Variants in SLC8A3 observed in about 807,000 individuals in gnomAD.
SLC8A3 encodes the protein solute carrier family 8 member A3, also known as sodium/calcium exchanger 3.
A neutral mutation model predicts 65.4 loss-of-function variants in SLC8A3; 37 were observed. That is an observed-to-expected ratio of 0.57 (90% CI 0.44 to 0.74). SLC8A3 has a LOEUF of 0.74. Ranked by LOEUF, SLC8A3 falls within the 30% of genes least tolerant of loss-of-function variation. The pLI, the probability that SLC8A3 is intolerant of heterozygous loss-of-function variation, is 0.00. For synonymous variants in SLC8A3, 461 were observed against 444.5 expected (o/e 1.04, Z -0.47); for missense variants, 1,112 against 1,172.1 (o/e 0.95, Z 0.75).
chr14:70,110,482 G>A (rs1234533327), intron 2 of SLC8A3, among the ~76,000 whole-genome samples: 1 of 151,992 alleles, frequency 6.6e-6, no homozygotes, highest in Non-Finnish European at 1.5e-5. Context: ...TTAACACAAT[G>A]ATCTCCAGTT....
At chr14:70,168,528 G>T in intron 1 of SLC8A3, 44 bp from the exon 2 acceptor site, 1 of 875,596 alleles carries the variant, frequency 1.1e-6, no homozygotes, top group Non-Finnish European at 1.7e-6. Flanking sequence ...AGGAAAAAGG[G>T]GACAGCAAAC....
intron 2 of SLC8A3, among the ~76,000 whole-genome samples, chr14:70,163,793 C>A (rs554505371): frequency 6.6e-6 from 1 of 152,152 alleles, no homozygotes; most frequent in Non-Finnish European, 1.5e-5. Context: ...GTTAGAAATG[C>A]GGAATCTCAA....
At chr14:70,073,229 T>C (rs1463459462) in intron 2 of SLC8A3, among the ~76,000 whole-genome samples, 2 of 152,092 alleles carry the variant, frequency 1.3e-5, no homozygotes, top group East Asian at 1.9e-4. Context: ...CACTATACAT[T>C]AGAGGGAGGA....
chr14:70,073,292 AG>A (rs1201236092), intron 2 of SLC8A3, among the ~76,000 whole-genome samples: 1 of 152,124 alleles, frequency 6.6e-6, no homozygotes, highest in Non-Finnish European at 1.5e-5. Flanking sequence ...TTATTCTCAA[AG>A]GGGAATTTAA....
intron 1 of SLC8A3, among the ~76,000 whole-genome samples, chr14:70,184,108 C>T (rs973408488): frequency 7.9e-5 from 12 of 152,236 alleles, no homozygotes; most frequent in East Asian, 1.9e-4. Context: ...ACCTCCCACG[C>T]GACATTGGCC....
chr14:70,047,955 A>C (rs8011824), intron 6 of SLC8A3: 22,428 of 152,260 alleles, frequency 0.15, 1,822 homozygotes, highest in African/African-American at 0.2. Context: ...ACAGTAGTTG[A>C]GAGTTGCCTC....
At chr14:70,058,799 C>T (rs764403112) in intron 3 of SLC8A3, among the ~76,000 whole-genome samples, 2 of 152,182 alleles carry the variant, frequency 1.3e-5, no homozygotes, top group Non-Finnish European at 1.5e-5. Context: ...GGAACCACTG[C>T]CTTCCTTCCT....
intron 2 of SLC8A3, among the ~76,000 whole-genome samples, chr14:70,137,149 CT>C (rs11314654): frequency 0.084 from 12,114 of 144,578 alleles, 585 homozygotes; most frequent in African/African-American, 0.14. Context: ...GTTTATATAT[CT>C]TTTTTTTTTT....
chr14:70,064,326 C>T (rs567551506), intron 2 of SLC8A3, among the ~76,000 whole-genome samples: 1 of 152,190 alleles, frequency 6.6e-6, no homozygotes, highest in African/African-American at 2.4e-5. Flanking sequence ...AAAGGCTCGG[C>T]CACTAAGGTC....
chr14:70,092,340 T>A (rs990664828), intron 2 of SLC8A3, among the ~76,000 whole-genome samples: 14 of 152,138 alleles, frequency 9.2e-5, no homozygotes, highest in African/African-American at 3.4e-4. Context: ...CTGATGCCCC[T>A]CCTCACTTCA....
At chr14:70,108,641 G>A (rs746446350) in intron 2 of SLC8A3, among the ~76,000 whole-genome samples, 3 of 152,174 alleles carry the variant, frequency 2.0e-5, no homozygotes, top group African/African-American at 7.2e-5. Flanking sequence ...CTGAATTAGA[G>A]CAGCTGCTGC....
chr14:70,065,009 G>T (rs762946122), intron 2 of SLC8A3, among the ~76,000 whole-genome samples: 1 of 152,128 alleles, frequency 6.6e-6, no homozygotes, highest in African/African-American at 2.4e-5. Context: ...AGGTGGGTGG[G>T]TGTGGAACTG....
intron 1 of SLC8A3, among the ~76,000 whole-genome samples, chr14:70,174,665 T>TTTTTTG (rs1897775002): frequency 1.6e-5 from 1 of 61,014 alleles, no homozygotes; most frequent in African/African-American, 5.1e-5. Context: ...TTTTTTTGTT[T>TTTTTTG]TTTTTTTTTT....
chr14:70,049,447 C>G (rs1437894911), intron 5 of SLC8A3, among the ~76,000 whole-genome samples: 2 of 152,000 alleles, frequency 1.3e-5, no homozygotes, highest in Non-Finnish European at 2.9e-5. Flanking sequence ...AACACATGGA[C>G]ACAGGGAGAG....
intron 2 of SLC8A3, among the ~76,000 whole-genome samples, chr14:70,144,686 C>T (rs912785112): frequency 6.6e-5 from 10 of 151,988 alleles, no homozygotes; most frequent in Non-Finnish European, 1.5e-4. Context: ...AAACATATCT[C>T]CAAAAAGAAG....
intron 4 of SLC8A3, 108 bp downstream of exon 4, chr14:70,051,882 G>C (rs1887548064): frequency 1.1e-6 from 1 of 907,418 alleles, no homozygotes; most frequent in Admixed American, 2.3e-5. Context: ...GATTTGTTCA[G>C]TTTCAACTTC....
intron 2 of SLC8A3, among the ~76,000 whole-genome samples, chr14:70,075,956 C>A (rs965114952): frequency 2.0e-5 from 3 of 152,186 alleles, no homozygotes; most frequent in African/African-American, 7.2e-5. Context: ...GCATTCCTAA[C>A]AAGTTCCCAG....
intron 2 of SLC8A3, among the ~76,000 whole-genome samples, chr14:70,076,870 G>A (rs1161502782): frequency 1.3e-5 from 2 of 152,174 alleles, no homozygotes; most frequent in Non-Finnish European, 2.9e-5. Context: ...TACTGATTAA[G>A]AGCCTGGGCC....
chr14:70,151,874 T>C (rs924050664), intron 2 of SLC8A3, among the ~76,000 whole-genome samples: 2 of 151,776 alleles, frequency 1.3e-5, no homozygotes, highest in African/African-American at 4.9e-5. Context: ...TCACATGGCC[T>C]TCTTGTAAGG....
Sources: allele counts gnomAD v4.1 joint callset (sites outside exome capture counted in the v4.1 genomes callset), GRCh38; gene constraint gnomAD v4.1.1; transcripts MANE v1.5; gene names NCBI Gene and HGNC (gene_info 2026-07-23, HGNC 2026-07-21).